BTBD9: variants seen among roughly 807,000 people sequenced by gnomAD.
BTBD9 encodes BTB/POZ domain-containing protein 9.
Under a neutral mutation model 64.3 loss-of-function variants are expected in BTBD9, and 49 were observed. The ratio of observed to expected loss-of-function variants is 0.76; its 90% confidence interval spans 0.61 to 0.97. The LOEUF (loss-of-function observed/expected upper bound fraction) is 0.97, where lower values mean the gene tolerates loss of function less well. Among genes scored for constraint, BTBD9 ranks in the 50% least tolerant of loss-of-function variants. The probability of loss-of-function intolerance (pLI) is 0.00; values close to 1 mark genes in which losing one functional copy is unlikely to be tolerated. For synonymous variants in BTBD9, 260 were observed against 274.7 expected (o/e 0.95, Z 0.53); for missense variants, 598 against 762.1 (o/e 0.78, Z 2.53).
At chr6:38,374,286 T>TATATATATATATAC (rs1444399511) in intron 6 of BTBD9, among the ~76,000 whole-genome samples, 1 of 67,512 alleles carries the variant, frequency 1.5e-5, no homozygotes, top group Non-Finnish European at 2.3e-5. Context: ...AAAAAAAGTA[T>TATATATATATATAC]ATATATATAT....
At chr6:38,445,203 G>C (rs905509274) in intron 6 of BTBD9, among the ~76,000 whole-genome samples, 2 of 152,156 alleles carry the variant, frequency 1.3e-5, no homozygotes, top group African/African-American at 4.8e-5. Flanking sequence ...TGAGAAATAT[G>C]GCACTAAGAT....
intron 9 of BTBD9, among the ~76,000 whole-genome samples, chr6:38,215,119 T>G (rs1312578364): frequency 1.3e-5 from 2 of 152,184 alleles, no homozygotes; most frequent in Non-Finnish European, 2.9e-5. Flanking sequence ...TCTTTCTGAT[T>G]CTATTGTCAG....
intron 6 of BTBD9, among the ~76,000 whole-genome samples, chr6:38,468,338 T>C (rs954017702): frequency 1.3e-5 from 2 of 152,224 alleles, no homozygotes; most frequent in African/African-American, 4.8e-5. Context: ...TAACATTCCC[T>C]ACATACCTCG....
intron 7 of BTBD9, among the ~76,000 whole-genome samples, chr6:38,336,725 T>C (rs1763909518): frequency 6.6e-6 from 1 of 152,212 alleles, no homozygotes; most frequent in South Asian, 2.1e-4. Context: ...CTGATACCAG[T>C]ACCCCAGCTC....
At chr6:38,481,360 T>C (rs1176131241) in intron 6 of BTBD9, among the ~76,000 whole-genome samples, 1 of 152,152 alleles carries the variant, frequency 6.6e-6, no homozygotes, top group Non-Finnish European at 1.5e-5. Context: ...GAGTGCAAAA[T>C]TGTATTCCCA....
chr6:38,541,993 A>C (rs1321917523), intron 6 of BTBD9, among the ~76,000 whole-genome samples: 1 of 152,180 alleles, frequency 6.6e-6, no homozygotes, highest in African/African-American at 2.4e-5. Flanking sequence ...TTAACCCATA[A>C]ATTTATACAG....
intron 6 of BTBD9, among the ~76,000 whole-genome samples, chr6:38,379,531 G>C (rs562042023): frequency 4.8e-4 from 73 of 152,254 alleles, no homozygotes; most frequent in African/African-American, 1.7e-3. Flanking sequence ...TCCAAGGATA[G>C]CAACAAAGGA....
intron 9 of BTBD9, among the ~76,000 whole-genome samples, chr6:38,247,673 C>T (rs1463964662): frequency 3.9e-5 from 6 of 152,246 alleles, no homozygotes. Flanking sequence ...AGAAAGTACT[C>T]TCAGAGAAGC....
chr6:38,482,550 C>T (rs1039341597), intron 6 of BTBD9: 1 of 151,806 alleles, frequency 6.6e-6, no homozygotes, highest in Non-Finnish European at 1.5e-5. Flanking sequence ...AATTACTTTC[C>T]TTTCTACCGC....
At chr6:38,448,706 C>T (rs895031685) in intron 6 of BTBD9, among the ~76,000 whole-genome samples, 5 of 152,084 alleles carry the variant, frequency 3.3e-5, no homozygotes, top group African/African-American at 4.8e-5. Context: ...TTAGTAGAGA[C>T]GGGGTTTTGC....
chr6:38,571,713 C>T (rs1302440698), intron 6 of BTBD9: 1 of 152,332 alleles, frequency 6.6e-6, no homozygotes, highest in Non-Finnish European at 1.5e-5. Flanking sequence ...AATCCCAGCA[C>T]TTTGTGAGGC....
intron 6 of BTBD9, among the ~76,000 whole-genome samples, chr6:38,359,335 ACT>A (rs1202960131): frequency 2.0e-5 from 3 of 151,334 alleles, no homozygotes; most frequent in African/African-American, 7.3e-5. Context: ...TGCCACACAA[ACT>A]CTCCTCAACC....
chr6:38,633,961 T>A (rs1241722860), intron 1 of BTBD9, among the ~76,000 whole-genome samples: 5 of 152,202 alleles, frequency 3.3e-5, no homozygotes, highest in Non-Finnish European at 7.4e-5. Flanking sequence ...ACAATATGCA[T>A]ACATGTGTGC....
At chr6:38,291,661 C>T (rs952723439) in intron 7 of BTBD9, among the ~76,000 whole-genome samples, 3 of 152,112 alleles carry the variant, frequency 2.0e-5, no homozygotes, top group Non-Finnish European at 2.9e-5. Context: ...TTTTGAGATA[C>T]GTTCCATCAA....
At chr6:38,276,127 A>G (rs1280499499) in intron 8 of BTBD9, among the ~76,000 whole-genome samples, 4 of 152,242 alleles carry the variant, frequency 2.6e-5, no homozygotes, top group Non-Finnish European at 5.9e-5. Flanking sequence ...AGACTGGATT[A>G]AGAAAATGTG....
chr6:38,392,527 G>T (rs1327827649), intron 6 of BTBD9, among the ~76,000 whole-genome samples: 1 of 140,678 alleles, frequency 7.1e-6, no homozygotes, highest in Non-Finnish European at 1.6e-5. Context: ...CTATACCAAA[G>T]ACCTTGTTAG....
intron 2 of BTBD9, among the ~76,000 whole-genome samples, chr6:38,596,657 C>T (rs1349168259): frequency 1.3e-5 from 2 of 151,904 alleles, no homozygotes; most frequent in Non-Finnish European, 2.9e-5. Flanking sequence ...AAAAATTAGC[C>T]GAGCGTGGTG....
At chr6:38,409,541 C>T (rs1369200577) in intron 6 of BTBD9, among the ~76,000 whole-genome samples, 1 of 152,088 alleles carries the variant, frequency 6.6e-6, no homozygotes, top group Non-Finnish European at 1.5e-5. Context: ...AATATGTGAT[C>T]TGGCTGAGCA....
intron 6 of BTBD9, among the ~76,000 whole-genome samples, chr6:38,399,870 G>GC (rs1766849292): frequency 6.6e-6 from 1 of 151,890 alleles, no homozygotes; most frequent in Non-Finnish European, 1.5e-5. Flanking sequence ...TCCAGCCTCA[G>GC]CCTGCAGAGT....
Sources: gnomAD v4.1 joint callset for allele counts (sites outside exome capture counted in the v4.1 genomes callset) on GRCh38, gnomAD v4.1.1 for gene constraint, MANE v1.5 for transcripts, NCBI Gene and HGNC (gene_info 2026-07-23, HGNC 2026-07-21) for gene names.